The following ABCD3 variants were observed in gnomAD, a reference collection of about 807,000 sequenced individuals.
ABCD3 encodes ATP-binding cassette sub-family D member 3.
A neutral mutation model predicts 105.5 loss-of-function variants in ABCD3; 41 were observed. The observed-to-expected ratio is 0.39, with a 90% confidence interval of 0.30 to 0.50. The LOEUF is 0.50. ABCD3 is among the 20% of genes least tolerant of loss of function. The probability of loss-of-function intolerance (pLI) is 0.84; values close to 1 mark genes in which losing one functional copy is unlikely to be tolerated. For missense variants in ABCD3, 622 were observed against 806.3 expected (o/e 0.77, Z 2.77); for synonymous variants, 258 against 269.0 (o/e 0.96, Z 0.40).
chr1:94,451,442 GGAAC>G (rs1374535446), intron 1 of ABCD3, among the ~76,000 whole-genome samples: 175 of 152,170 alleles, frequency 1.2e-3, no homozygotes, highest in African/African-American at 3.9e-3. Context: ...TGTCAGTCAG[GGAAC>G]AACTTAAACC....
At chr1:94,436,192 G>A (rs1421515775) in intron 1 of ABCD3, among the ~76,000 whole-genome samples, 1 of 152,162 alleles carries the variant, frequency 6.6e-6, no homozygotes, top group Admixed American at 6.5e-5. Flanking sequence ...TATGGACAGA[G>A]CCACGATATG....
At chr1:94,395,760 G>A in the ABCD3 span, among the ~76,000 whole-genome samples, 1 of 152,096 alleles carries the variant, frequency 6.6e-6, no homozygotes, top group Non-Finnish European at 1.5e-5. Flanking sequence ...AGGTGTGTGT[G>A]GTTACCTGTA....
At chr1:94,498,442 C>T (rs1192150632) in intron 16 of ABCD3, among the ~76,000 whole-genome samples, 160 bp from the exon 17 acceptor site, 1 of 152,088 alleles carries the variant, frequency 6.6e-6, no homozygotes, top group Non-Finnish European at 1.5e-5. Flanking sequence ...GGTCCCTTCA[C>T]AATACCTCTT....
intron 21 of ABCD3, among the ~76,000 whole-genome samples, chr1:94,507,338 G>C (rs1445307936): frequency 6.6e-6 from 1 of 152,092 alleles, no homozygotes; most frequent in East Asian, 1.9e-4. Context: ...TTTTATGGCT[G>C]CATAGTATTC....
intron 19 of ABCD3, 107 bp from the exon 20 acceptor site, chr1:94,499,388 T>G (rs1244121307): frequency 8.1e-7 from 1 of 1,229,290 alleles, no homozygotes; most frequent in African/African-American, 1.5e-5. Flanking sequence ...ATCTTTTAAG[T>G]GGTACAGACA....
At chr1:94,440,934 G>T (rs1461868485) in intron 1 of ABCD3, among the ~76,000 whole-genome samples, 1 of 151,936 alleles carries the variant, frequency 6.6e-6, no homozygotes, top group Non-Finnish European at 1.5e-5. Context: ...TAGAATAATT[G>T]GTTAGCCATT....
At chr1:94,398,701 C>A in the ABCD3 span, among the ~76,000 whole-genome samples, 1 of 152,114 alleles carries the variant, frequency 6.6e-6, no homozygotes, top group Non-Finnish European at 1.5e-5. Context: ...ATCATGAGGT[C>A]GGGAGTTAGA....
chr1:94,387,974 G>C, the ABCD3 span, among the ~76,000 whole-genome samples: 1 of 152,090 alleles, frequency 6.6e-6, no homozygotes, highest in Non-Finnish European at 1.5e-5. Flanking sequence ...GAAGGCTCAG[G>C]TAGCTTAAGT....
the ABCD3 span, among the ~76,000 whole-genome samples, chr1:94,390,344 C>T: frequency 1.3e-5 from 2 of 151,692 alleles, no homozygotes; most frequent in Non-Finnish European, 2.9e-5. Context: ...GTTCTGTCAC[C>T]CAGGCTGGAG....
At chr1:94,434,957 T>C (rs1659843165) in intron 1 of ABCD3, among the ~76,000 whole-genome samples, 1 of 152,088 alleles carries the variant, frequency 6.6e-6, no homozygotes, top group African/African-American at 2.4e-5. Context: ...CTGAAAACTA[T>C]AATTTAGTTG....
intron 20 of ABCD3, 39 bp downstream of exon 20, chr1:94,499,653 G>T (rs1557688685): frequency 3.7e-6 from 6 of 1,610,800 alleles, no homozygotes; most frequent in African/African-American, 1.3e-5. Flanking sequence ...GAATGCAACT[G>T]GTTCCAGCAT....
At chr1:94,395,318 T>C in the ABCD3 span, among the ~76,000 whole-genome samples, 1 of 152,136 alleles carries the variant, frequency 6.6e-6, no homozygotes, top group South Asian at 2.1e-4. Flanking sequence ...TGTGACAAGA[T>C]ATAGGAAAAC....
At chr1:94,450,050 C>G (rs983431710) in intron 1 of ABCD3, among the ~76,000 whole-genome samples, 1 of 152,188 alleles carries the variant, frequency 6.6e-6, no homozygotes, top group African/African-American at 2.4e-5. Context: ...TTTAAAGCAA[C>G]CCAGGCACAC....
chr1:94,397,813 T>C, the ABCD3 span, among the ~76,000 whole-genome samples: 1 of 152,212 alleles, frequency 6.6e-6, no homozygotes, highest in African/African-American at 2.4e-5. Context: ...TGGACAGACA[T>C]TAAAATCACC....
At chr1:94,401,982 C>A in the ABCD3 span, among the ~76,000 whole-genome samples, 1 of 152,228 alleles carries the variant, frequency 6.6e-6, no homozygotes, top group Non-Finnish European at 1.5e-5. Context: ...CCCGCTCCCA[C>A]ATGCACCCAC....
chr1:94,517,499 C>G lies in ABCD3; in HGVS notation c.*370C>G, dbSNP rs1804191. The G allele has an allele frequency of 4.0e-6, 1 of 252,892 alleles. No individual in the cohort carries two copies. The highest frequency in any genetic ancestry group is 2.3e-5 in the African/African-American group (1 of 42,938). 15.7% of individuals were successfully genotyped at this position (252,892 alleles called of 1,614,324 possible). ...TCTATCTTTTCCTTCAGTGAAGAAC[C>G]CTATTTAAAACTGGGTCATCATTTG... On this transcript the variant is annotated 3_prime_UTR_variant, in exon 23 of 23. Transcript: ENST00000370214.
intron 16 of ABCD3, among the ~76,000 whole-genome samples, chr1:94,498,266 CTTGTT>C (rs1378196571): frequency 1.3e-5 from 2 of 151,924 alleles, no homozygotes; most frequent in Non-Finnish European, 2.9e-5. Flanking sequence ...AGATGAGGGT[CTTGTT>C]TTATTTCCCA....
intron 4 of ABCD3, among the ~76,000 whole-genome samples, chr1:94,468,943 G>A (rs1400877746): frequency 6.6e-6 from 1 of 152,100 alleles, no homozygotes; most frequent in Admixed American, 6.5e-5. Flanking sequence ...AATTATGTAG[G>A]CCCTCACATT....
chr1:94,435,499 C>G (rs1659868173), intron 1 of ABCD3, among the ~76,000 whole-genome samples: 1 of 152,166 alleles, frequency 6.6e-6, no homozygotes, highest in Non-Finnish European at 1.5e-5. Context: ...ACCATGCATT[C>G]CAGCCTGGGC....
Sources: allele counts gnomAD v4.1 joint callset (sites outside exome capture counted in the v4.1 genomes callset), GRCh38; gene constraint gnomAD v4.1.1; transcripts MANE v1.5; gene names NCBI Gene and HGNC (gene_info 2026-07-23, HGNC 2026-07-21).